Variants in TBC1D32 observed in about 807,000 individuals in gnomAD.
TBC1D32 encodes TBC1 domain family member 32, also known as protein broad-minded.
TBC1D32 carries 151 observed loss-of-function variants against 170.3 expected under a neutral mutation model. That is an observed-to-expected ratio of 0.89 (90% CI 0.78 to 1.01). The LOEUF is 1.01. TBC1D32 is among the 50% of genes least tolerant of loss of function. The pLI, the probability that TBC1D32 is intolerant of heterozygous loss-of-function variation, is 0.00. For missense variants in TBC1D32, 1,464 were observed against 1,457.1 expected (o/e 1.00, Z -0.08); for synonymous variants, 498 against 488.0 (o/e 1.02, Z -0.27).
At chr6:121,184,813 T>C (rs551756055) in intron 22 of TBC1D32, among the ~76,000 whole-genome samples, 1 of 152,022 alleles carries the variant, frequency 6.6e-6, no homozygotes, top group African/African-American at 2.4e-5. Flanking sequence ...TTGATAAACA[T>C]AATTTTGAGC....
intron 30 of TBC1D32, 64 bp downstream of exon 30, chr6:121,105,957 AAC>A: frequency 7.0e-7 from 1 of 1,425,656 alleles, no homozygotes. Flanking sequence ...ATTTGATGAG[AAC>A]ACAGTTTTAT....
chr6:121,247,590 C>G (rs1250644358), intron 17 of TBC1D32, among the ~76,000 whole-genome samples: 5 of 144,938 alleles, frequency 3.4e-5, no homozygotes, highest in Admixed American at 7.1e-5. Context: ...ACACATGACT[C>G]ACATAAACTT....
intron 29 of TBC1D32, among the ~76,000 whole-genome samples, chr6:121,108,909 A>C (rs1328580120): frequency 6.6e-6 from 1 of 152,158 alleles, no homozygotes; most frequent in Non-Finnish European, 1.5e-5. Context: ...GTTGTAGTTA[A>C]CTTGTGCATC....
chr6:121,302,623 C>T (rs1463820370), intron 9 of TBC1D32, among the ~76,000 whole-genome samples: 4 of 151,408 alleles, frequency 2.6e-5, no homozygotes, highest in Non-Finnish European at 5.9e-5. Flanking sequence ...AGTTGTTATC[C>T]CTGTATTGTA....
intron 20 of TBC1D32, among the ~76,000 whole-genome samples, chr6:121,230,863 T>C (rs774732130): frequency 5.3e-5 from 8 of 151,996 alleles, no homozygotes; most frequent in Non-Finnish European, 1.2e-4. Context: ...TTAGTAGTGA[T>C]TGCTGAGACT....
intron 22 of TBC1D32, chr6:121,170,614 G>C: frequency 1.1e-6 from 1 of 929,018 alleles, no homozygotes; most frequent in Non-Finnish European, 1.5e-6. Flanking sequence ...AGTAATACCT[G>C]TACATCAAAA....
chr6:121,098,759 T>C (rs554476320), intron 30 of TBC1D32, among the ~76,000 whole-genome samples: 1 of 151,958 alleles, frequency 6.6e-6, no homozygotes, highest in Non-Finnish European at 1.5e-5. Flanking sequence ...CAAAGCAGTG[T>C]ACAAACACAG....
intron 12 of TBC1D32, among the ~76,000 whole-genome samples, chr6:121,290,068 C>A (rs1804583245): frequency 6.6e-6 from 1 of 152,230 alleles, no homozygotes; most frequent in East Asian, 1.9e-4. Flanking sequence ...CTAGGCAATA[C>A]CATTCAGGAC....
intron 22 of TBC1D32, among the ~76,000 whole-genome samples, chr6:121,183,317 G>A (rs1018796008): frequency 6.6e-6 from 1 of 152,100 alleles, no homozygotes; most frequent in Non-Finnish European, 1.5e-5. Context: ...GGCTCTCAGA[G>A]GCTCCAAAAG....
At chr6:121,238,042 T>A (rs919868970) in intron 20 of TBC1D32, among the ~76,000 whole-genome samples, 2 of 152,128 alleles carry the variant, frequency 1.3e-5, no homozygotes, top group Non-Finnish European at 2.9e-5. Context: ...AGGTAGCATC[T>A]GATATTTCTT....
At chr6:121,281,484 C>T (rs1419652154) in intron 14 of TBC1D32, 60 bp downstream of exon 14, 5 of 1,366,162 alleles carry the variant, frequency 3.7e-6, no homozygotes, top group Non-Finnish European at 5.0e-6. Flanking sequence ...TAAAGTCCCA[C>T]TGAGTATCCA....
chr6:121,223,132 T>A, intron 21 of TBC1D32, 104 bp downstream of exon 21: 1 of 708,680 alleles, frequency 1.4e-6, no homozygotes, highest in South Asian at 2.1e-5. Context: ...TTAAATGCCA[T>A]TACATAATGT....
At chr6:121,114,924 A>C (rs13199297) in intron 27 of TBC1D32, among the ~76,000 whole-genome samples, 2 of 152,016 alleles carry the variant, frequency 1.3e-5, no homozygotes, top group Non-Finnish European at 2.9e-5. Flanking sequence ...AAAAAACCTG[A>C]TAGTCATGAG....
chr6:121,223,992 T>C (rs756365532), intron 20 of TBC1D32, among the ~76,000 whole-genome samples: 4 of 152,194 alleles, frequency 2.6e-5, no homozygotes, highest in Non-Finnish European at 5.9e-5. Context: ...CTCAAAAGCA[T>C]GCTGTGGTTG....
chr6:121,264,107 G>A (rs114583330), intron 15 of TBC1D32, among the ~76,000 whole-genome samples: 5,067 of 151,510 alleles, frequency 0.033, 195 homozygotes, highest in East Asian at 0.12. Flanking sequence ...AAGGAGAGAC[G>A]GACATGAAAA....
intron 25 of TBC1D32, among the ~76,000 whole-genome samples, chr6:121,128,668 G>A (rs1781111013): frequency 6.6e-6 from 1 of 152,050 alleles, no homozygotes; most frequent in Non-Finnish European, 1.5e-5. Context: ...AATACGACAT[G>A]AATAGTCTAT....
chr6:121,218,722 G>A (rs928137457), intron 21 of TBC1D32, among the ~76,000 whole-genome samples: 17 of 152,170 alleles, frequency 1.1e-4, no homozygotes, highest in Admixed American at 7.2e-4. Flanking sequence ...TCTAAAGAAC[G>A]CTGACTAATA....
At chr6:121,286,643 T>C (rs887879140) in intron 12 of TBC1D32, among the ~76,000 whole-genome samples, 2 of 152,012 alleles carry the variant, frequency 1.3e-5, no homozygotes, top group Non-Finnish European at 2.9e-5. Flanking sequence ...ATTCAGGAAA[T>C]ACAGAGAACG....
At chr6:121,120,281 C>A (rs576862645) in intron 26 of TBC1D32, among the ~76,000 whole-genome samples, 3 of 151,992 alleles carry the variant, frequency 2.0e-5, no homozygotes, top group Non-Finnish European at 4.4e-5. Flanking sequence ...AAGCCGACAT[C>A]TGAGATCTCA....
Sources: allele counts gnomAD v4.1 joint callset (sites outside exome capture counted in the v4.1 genomes callset), GRCh38; gene constraint gnomAD v4.1.1; transcripts MANE v1.5; gene names NCBI Gene and HGNC (gene_info 2026-07-23, HGNC 2026-07-21).